Variants in SLC9A9 observed in about 807,000 individuals in gnomAD.
SLC9A9 encodes sodium/hydrogen exchanger 9.
In SLC9A9, 62 loss-of-function variants were observed where a neutral mutation model predicts 77.8. The ratio of observed to expected loss-of-function variants is 0.80; its 90% CI spans 0.65 to 0.98. The LOEUF is 0.98. SLC9A9 is among the 50% of genes least tolerant of loss of function. The probability of loss-of-function intolerance (pLI) is 0.00; values close to 1 mark genes in which losing one functional copy is unlikely to be tolerated. For missense variants in SLC9A9, 775 were observed against 774.9 expected, an observed-to-expected ratio of 1.00 and a Z score of 0.00; for synonymous variants, 320 against 283.5, an observed-to-expected ratio of 1.13 and a Z score of -1.29.
intron 5 of SLC9A9, among the ~76,000 whole-genome samples, chr3:143,657,960 G>A (rs960452734): frequency 1.3e-4 from 20 of 151,988 alleles, no homozygotes; most frequent in African/African-American, 3.9e-4. Context: ...TCTGCCTCCC[G>A]GGCTCAAGTG....
At chr3:143,709,012 C>A (rs1476949635) in intron 4 of SLC9A9, among the ~76,000 whole-genome samples, 1 of 152,168 alleles carries the variant, frequency 6.6e-6, no homozygotes, top group Non-Finnish European at 1.5e-5. Context: ...CAGATAGGAT[C>A]AGACATGAGT....
At chr3:143,502,269 AG>A (rs1263604873) in intron 9 of SLC9A9, among the ~76,000 whole-genome samples, 1 of 146,572 alleles carries the variant, frequency 6.8e-6, no homozygotes, top group Non-Finnish European at 1.5e-5. Context: ...TTCAAGGGGC[AG>A]GGGGGAAGCA....
In SLC9A9 at chr3:143,678,757, A is replaced by G. The variant is rs535998575; in HGVS notation, c.649+14435T>C. On this transcript the variant is annotated intron_variant, in intron 5 of 15. Transcript: ENST00000316549. ...ATTCCACTTTATAAGCTTTAAGATA[A>G]TTTTATCCAGTTTCAATGTTTAAAG... Among the ~76,000 whole-genome samples the G allele has an allele frequency of 4.1e-4, 62 of 152,328 alleles. 1 individual carries two copies. The highest frequency in any genetic ancestry group is 3.5e-3 in the Admixed American group (53 of 15,288).
chr3:143,638,804 C>G (rs2038572189), intron 6 of SLC9A9, among the ~76,000 whole-genome samples: 1 of 152,208 alleles, frequency 6.6e-6, no homozygotes, highest in Non-Finnish European at 1.5e-5. Flanking sequence ...AGGTTTTAAT[C>G]AGATTCCCTA....
intron 13 of SLC9A9, among the ~76,000 whole-genome samples, chr3:143,371,000 T>A (rs544353305): frequency 6.6e-6 from 1 of 152,018 alleles, no homozygotes; most frequent in East Asian, 2.0e-4. Flanking sequence ...CTCACTGAGT[T>A]GAAGAGCTAC....
chr3:143,697,398 T>C (rs1435925443), intron 4 of SLC9A9, among the ~76,000 whole-genome samples: 1 of 152,150 alleles, frequency 6.6e-6, no homozygotes, highest in Non-Finnish European at 1.5e-5. Context: ...TTTTAAATAA[T>C]AGCCATAATA....
At chr3:143,378,448 G>T (rs1050300270) in intron 13 of SLC9A9, among the ~76,000 whole-genome samples, 1 of 152,176 alleles carries the variant, frequency 6.6e-6, no homozygotes, top group Non-Finnish European at 1.5e-5. Flanking sequence ...GGTTATCTTG[G>T]AAATTAAGTG....
At chr3:143,327,918 T>C (rs2031651340) in intron 14 of SLC9A9, among the ~76,000 whole-genome samples, 1 of 152,240 alleles carries the variant, frequency 6.6e-6, no homozygotes, top group Non-Finnish European at 1.5e-5. Flanking sequence ...ATTCCTCTTT[T>C]ATGTTCCACT....
At chr3:143,832,444 AT>A (rs918809614) in intron 1 of SLC9A9, among the ~76,000 whole-genome samples, 6 of 151,860 alleles carry the variant, frequency 4.0e-5, no homozygotes, top group Admixed American at 1.3e-4. Context: ...AAATCTTCCC[AT>A]TTTTTTTCTC....
chr3:143,365,892 T>C (rs2032887324), intron 13 of SLC9A9, among the ~76,000 whole-genome samples: 1 of 152,174 alleles, frequency 6.6e-6, no homozygotes, highest in South Asian at 2.1e-4. Flanking sequence ...CTAAACTAGT[T>C]ATGAAAAGCT....
intron 14 of SLC9A9, among the ~76,000 whole-genome samples, chr3:143,356,323 C>G (rs532305058): frequency 4.6e-5 from 7 of 152,248 alleles, no homozygotes; most frequent in African/African-American, 1.7e-4. Context: ...AATAACTAGC[C>G]AACTTTACTG....
intron 14 of SLC9A9, among the ~76,000 whole-genome samples, chr3:143,305,194 C>A (rs997494738): frequency 5.9e-5 from 9 of 152,084 alleles, no homozygotes; most frequent in African/African-American, 2.2e-4. Flanking sequence ...TTGAGGGCAA[C>A]TTTTCGAGAA....
intron 12 of SLC9A9, among the ~76,000 whole-genome samples, chr3:143,452,922 G>A (rs1032550607): frequency 6.6e-6 from 1 of 152,044 alleles, no homozygotes; most frequent in African/African-American, 2.4e-5. Flanking sequence ...TAAGAAGCAT[G>A]TGATGACTAT....
chr3:143,586,731 T>C (rs1471590943), intron 6 of SLC9A9, among the ~76,000 whole-genome samples: 4 of 152,240 alleles, frequency 2.6e-5, no homozygotes, highest in Non-Finnish European at 5.9e-5. Flanking sequence ...TTCTGGCTTA[T>C]GTTCTGCCAA....
At chr3:143,760,424 C>A (rs1316538903) in intron 4 of SLC9A9, among the ~76,000 whole-genome samples, 3 of 152,174 alleles carry the variant, frequency 2.0e-5, no homozygotes, top group Non-Finnish European at 4.4e-5. Flanking sequence ...TTGCGGATGA[C>A]ATGATTGTAT....
At chr3:143,606,436 C>CTCTCTCTCTCTATA (rs1419410834) in intron 6 of SLC9A9, among the ~76,000 whole-genome samples, 167 of 54,192 alleles carry the variant, frequency 3.1e-3, no homozygotes, top group East Asian at 3.7e-3. Flanking sequence ...CTCTCTCTCT[C>CTCTCTCTCTCTATA]TATATATATA....
At chr3:143,744,337 C>G (rs1335457991) in intron 4 of SLC9A9, among the ~76,000 whole-genome samples, 1 of 152,184 alleles carries the variant, frequency 6.6e-6, no homozygotes, top group Non-Finnish European at 1.5e-5. Context: ...ACGCCCCTGT[C>G]AAAGACATCC....
intron 6 of SLC9A9, among the ~76,000 whole-genome samples, chr3:143,612,744 G>A (rs1016134742): frequency 5.9e-5 from 9 of 152,186 alleles, no homozygotes; most frequent in Admixed American, 4.6e-4. Context: ...ACATCCCTAA[G>A]GGCAAATTTT....
intron 6 of SLC9A9, among the ~76,000 whole-genome samples, chr3:143,600,637 C>T (rs555188997): frequency 5.9e-4 from 90 of 152,256 alleles, no homozygotes; most frequent in Middle Eastern, 3.4e-3. Context: ...CCTCCCAAAA[C>T]GCAATAAATC....
Sources: gnomAD v4.1 joint callset for allele counts (sites outside exome capture counted in the v4.1 genomes callset) on GRCh38, gnomAD v4.1.1 for gene constraint, MANE v1.5 for transcripts, NCBI Gene and HGNC (gene_info 2026-07-23, HGNC 2026-07-21) for gene names.